GRAMD1B: variants seen among roughly 807,000 people sequenced by gnomAD.
GRAMD1B encodes protein Aster-B.
GRAMD1B carries 37 observed loss-of-function variants against 99.7 expected under a neutral mutation model. The ratio of observed to expected loss-of-function variants is 0.37; its 90% CI spans 0.29 to 0.49. GRAMD1B has a LOEUF of 0.49. Among genes scored for constraint, GRAMD1B ranks in the 20% least tolerant of loss-of-function variants. The pLI, the probability that GRAMD1B is intolerant of heterozygous loss-of-function variation, is 0.98. For missense variants in GRAMD1B, 888 were observed against 1,009.2 expected (o/e 0.88, Z 1.63); for synonymous variants, 427 against 387.6 (o/e 1.10, Z -1.19).
chr11:123,431,188 C>A, intron 1 of GRAMD1B, 22 bp downstream of exon 1: 1 of 686,690 alleles, frequency 1.5e-6, no homozygotes, highest in South Asian at 1.5e-5. Context: ...TTCCGCCCGT[C>A]TCCTTCCCTT....
At chr11:123,593,531 G>A (rs541810601) in intron 4 of GRAMD1B, among the ~76,000 whole-genome samples, 13 of 152,266 alleles carry the variant, frequency 8.5e-5, no homozygotes, top group African/African-American at 2.2e-4. Flanking sequence ...TCGTGTGCCC[G>A]TTGTGTTTTT....
At chr11:123,511,357 C>A (rs1321293467) in intron 2 of GRAMD1B, among the ~76,000 whole-genome samples, 1 of 152,142 alleles carries the variant, frequency 6.6e-6, no homozygotes, top group Non-Finnish European at 1.5e-5. Flanking sequence ...AATGGCAGTG[C>A]GGGCCCGGGC....
At chr11:123,529,982 C>T (rs995974953) in intron 2 of GRAMD1B, among the ~76,000 whole-genome samples, 1 of 150,950 alleles carries the variant, frequency 6.6e-6, no homozygotes, top group African/African-American at 2.4e-5. Context: ...GAATTTGATT[C>T]TGGAAAAAAA....
At chr11:123,402,096 AC>A (rs1947684244) in intron 1 of GRAMD1B, among the ~76,000 whole-genome samples, 1 of 151,914 alleles carries the variant, frequency 6.6e-6, no homozygotes, top group African/African-American at 2.4e-5. Context: ...GCTCACTGCA[AC>A]CTCCGCTTCC....
intron 17 of GRAMD1B, among the ~76,000 whole-genome samples, chr11:123,617,782 T>C (rs909580791): frequency 2.0e-5 from 3 of 152,194 alleles, no homozygotes; most frequent in Non-Finnish European, 2.9e-5. Flanking sequence ...CTCTTCATCC[T>C]ATGAGCTTGT....
chr11:123,436,766 A>G (rs2134228544), intron 1 of GRAMD1B, among the ~76,000 whole-genome samples: 1 of 152,062 alleles, frequency 6.6e-6, no homozygotes, highest in East Asian at 1.9e-4. Context: ...ATTTTTTTTT[A>G]TTATACTTTA....
At chr11:123,418,663 C>T (rs180753096) in intron 1 of GRAMD1B, among the ~76,000 whole-genome samples, 102 of 152,282 alleles carry the variant, frequency 6.7e-4, no homozygotes, top group African/African-American at 2.4e-3. Flanking sequence ...TGACCACAGT[C>T]AGAGCTGCCC....
intron 1 of GRAMD1B, among the ~76,000 whole-genome samples, chr11:123,412,346 T>C (rs1360195317): frequency 6.6e-6 from 1 of 152,254 alleles, no homozygotes; most frequent in Non-Finnish European, 1.5e-5. Flanking sequence ...GTGCCTATCA[T>C]GTGCAAGGCA....
At chr11:123,613,684 G>A (rs1427994849) in intron 16 of GRAMD1B, 26 bp downstream of exon 16, 1 of 1,586,780 alleles carries the variant, frequency 6.3e-7, no homozygotes, top group Non-Finnish European at 8.6e-7. Context: ...GGACAGGTCG[G>A]GTGGACTAAG....
intron 1 of GRAMD1B, among the ~76,000 whole-genome samples, chr11:123,365,429 T>C (rs1946286137): frequency 6.6e-6 from 1 of 152,174 alleles, no homozygotes; most frequent in Non-Finnish European, 1.5e-5. Context: ...TTTTTGTATT[T>C]TTAGTAGAGA....
chr11:123,493,443 A>G (rs2059610595), intron 2 of GRAMD1B, among the ~76,000 whole-genome samples: 1 of 152,160 alleles, frequency 6.6e-6, no homozygotes, highest in South Asian at 2.1e-4. Context: ...AAACTTATTA[A>G]GGGAAGCCAC....
intron 2 of GRAMD1B, among the ~76,000 whole-genome samples, chr11:123,502,476 G>C (rs565752976): frequency 1.6e-4 from 24 of 152,134 alleles, no homozygotes; most frequent in Non-Finnish European, 2.6e-4. Flanking sequence ...GTTACTTCCT[G>C]GTAAACCCAT....
Position 123,520,539 on chromosome 11 carries a change from G to C in GRAMD1B, c.452+39646G>C, listed in dbSNP as rs368248810. Reference sequence around the variant, plus strand: ...CAATCCCAGCACTTTGAGAGACCAAGGCGGGTGGATTGCTTGAGCCCAGGA... The same window carrying C: ...CAATCCCAGCACTTTGAGAGACCAACGCGGGTGGATTGCTTGAGCCCAGGA... On this transcript the variant is annotated intron_variant, in intron 2 of 19. Transcript: ENST00000635736. Among the ~76,000 whole-genome samples the C allele has an allele frequency of 2.8e-4, 43 of 152,222 alleles. No homozygotes were observed. In the East Asian group the frequency reaches 5.0e-3, roughly 18 times the overall value.
chr11:123,482,307 C>T (rs1292559750), intron 2 of GRAMD1B, among the ~76,000 whole-genome samples: 1 of 152,076 alleles, frequency 6.6e-6, no homozygotes, highest in East Asian at 1.9e-4. Flanking sequence ...CCATGTTGGT[C>T]AGGCTGGTCT....
chr11:123,513,609 C>CTTTCTTTGTTTCTTTCTTT, intron 2 of GRAMD1B, among the ~76,000 whole-genome samples: 1 of 36,048 alleles, frequency 2.8e-5, no homozygotes. Context: ...TTCCTTCCTT[C>CTTTCTTTGTTTCTTTCTTT]CTTCCTTCCT....
chr11:123,452,242 A>C (rs1949919601), intron 1 of GRAMD1B, among the ~76,000 whole-genome samples: 3 of 152,208 alleles, frequency 2.0e-5, no homozygotes, highest in Admixed American at 2.0e-4. Context: ...TAAAGGAAAA[A>C]CATATAATAA....
intron 2 of GRAMD1B, among the ~76,000 whole-genome samples, chr11:123,495,609 T>C (rs1391004259): frequency 2.0e-5 from 3 of 151,842 alleles, no homozygotes; most frequent in East Asian, 3.8e-4. Flanking sequence ...TCTTTCTCCA[T>C]GAGTTCAATT....
chr11:123,438,102 A>C (rs372427509), intron 1 of GRAMD1B, among the ~76,000 whole-genome samples: 65 of 152,330 alleles, frequency 4.3e-4, no homozygotes, highest in African/African-American at 1.4e-3. Context: ...CCAGATTCAT[A>C]ATTCCTTGAG....
intron 2 of GRAMD1B, among the ~76,000 whole-genome samples, chr11:123,550,590 A>G (rs576634156): frequency 6.6e-6 from 1 of 152,180 alleles, no homozygotes; most frequent in Admixed American, 6.5e-5. Flanking sequence ...GGGGATGTTC[A>G]TGTGGCTCAA....
Sources: allele counts gnomAD v4.1 joint callset (sites outside exome capture counted in the v4.1 genomes callset), GRCh38; gene constraint gnomAD v4.1.1; transcripts MANE v1.5; gene names NCBI Gene and HGNC (gene_info 2026-07-23, HGNC 2026-07-21).